AHCTF1: variants seen among roughly 807,000 people sequenced by gnomAD.
AHCTF1 encodes the protein AT-hook containing transcription factor 1, also known as protein ELYS.
AHCTF1 carries 24 observed loss-of-function variants against 248.4 expected under a neutral mutation model. The observed-to-expected ratio is 0.10, with a 90% CI of 0.07 to 0.14. The LOEUF (loss-of-function observed/expected upper bound fraction) is 0.14. AHCTF1 is among the 10% of genes least tolerant of loss of function. The pLI is 1.00. For synonymous variants in AHCTF1, 786 were observed against 929.8 expected (o/e 0.85, Z 2.81); for missense variants, 2,206 against 2,636.2 (o/e 0.84, Z 3.57).
intron 21 of AHCTF1, among the ~76,000 whole-genome samples, chr1:246,878,396 C>CAAAAAAAAAAA (rs1199465751): frequency 9.7e-5 from 3 of 30,776 alleles, no homozygotes; most frequent in Admixed American, 5.2e-4. Context: ...GATTCTGTCT[C>CAAAAAAAAAAA]AAAAAAAAAA....
chr1:246,867,141 T>C (rs1364461014), intron 26 of AHCTF1, 103 bp downstream of exon 26: 7 of 632,700 alleles, frequency 1.1e-5, no homozygotes, highest in Non-Finnish European at 1.5e-5. Context: ...AAAATATTCA[T>C]TTAATAATTT....
chr1:246,877,373 T>A (rs1355260786), intron 21 of AHCTF1, 71 bp from the exon 22 acceptor site: 1 of 1,443,136 alleles, frequency 6.9e-7, no homozygotes, highest in Non-Finnish European at 9.2e-7. Flanking sequence ...GAAATCTACA[T>A]GTAGAATTTC....
intron 20 of AHCTF1, among the ~76,000 whole-genome samples, chr1:246,886,437 G>A (rs2642991): frequency 0.61 from 92,197 of 152,118 alleles, 30,185 homozygotes; most frequent in African/African-American, 0.87. Context: ...TGTATTAGAT[G>A]TTATAAGTAA....
intron 1 of AHCTF1, among the ~76,000 whole-genome samples, chr1:246,920,142 C>CAA (rs68194249): frequency 0.024 from 975 of 40,792 alleles, 163 homozygotes; most frequent in African/African-American, 0.047. Flanking sequence ...CTGTCCCCCG[C>CAA]AAAAAAAAAA....
Position 246,876,140 on chromosome 1 carries a change from A to T in AHCTF1, c.2985T>A (p.Ser995=). ...GGATTTTTCCATACTGGTCTAATAT[A>T]GAATTTCGAGCCAGTGATCTCTCCC... ...RLRERSLARN[S]ILDQYGKILP... The change falls in exon 24 of 36, where the codon TCT becomes TCA. Residue 995 remains serine (S), a synonymous_variant. Transcript: ENST00000648844. The T allele has an allele frequency of 6.2e-7, 1 of 1,604,762 alleles. No homozygotes were observed. Among genetic ancestry groups the T allele is most frequent in the Non-Finnish European group, 8.5e-7 (1 of 1,175,582 alleles).
intron 14 of AHCTF1, among the ~76,000 whole-genome samples, chr1:246,894,327 C>T (rs1190124803): frequency 2.0e-5 from 3 of 152,202 alleles, no homozygotes; most frequent in Non-Finnish European, 4.4e-5. Flanking sequence ...AATCCCAGCA[C>T]TCTGGGAGGC....
chr1:246,931,292 G>A, intron 1 of AHCTF1: 5 of 1,547,752 alleles, frequency 3.2e-6, no homozygotes, highest in Non-Finnish European at 4.4e-6. Context: ...GACTGCCGGC[G>A]CAGGACGCGA....
chr1:246,921,100 AAAT>A (rs1026655352), intron 1 of AHCTF1, among the ~76,000 whole-genome samples: 3 of 152,188 alleles, frequency 2.0e-5, no homozygotes, highest in Non-Finnish European at 4.4e-5. Flanking sequence ...CACAATAAAT[AAAT>A]AATAATAATA....
At chr1:246,880,874 C>A (rs1054153757) in intron 21 of AHCTF1, among the ~76,000 whole-genome samples, 2 of 152,000 alleles carry the variant, frequency 1.3e-5, no homozygotes, top group Non-Finnish European at 2.9e-5. Context: ...CTAGGAAGAA[C>A]AATAAGAAAA....
intron 33 of AHCTF1, among the ~76,000 whole-genome samples, chr1:246,847,451 G>A (rs181717914): frequency 2.2e-4 from 34 of 152,188 alleles, no homozygotes; most frequent in Non-Finnish European, 3.8e-4. Flanking sequence ...TGATTCTTTC[G>A]ATGGCTGGAT....
chr1:246,909,717 T>C (rs1474829405), intron 4 of AHCTF1, among the ~76,000 whole-genome samples: 1 of 152,170 alleles, frequency 6.6e-6, no homozygotes, highest in Non-Finnish European at 1.5e-5. Context: ...AAAATCATAA[T>C]GTGTGCAGGG....
chr1:246,894,260 C>A (rs900235636), intron 14 of AHCTF1, among the ~76,000 whole-genome samples: 6 of 152,110 alleles, frequency 3.9e-5, no homozygotes, highest in African/African-American at 1.4e-4. Context: ...TCTTTTGGGA[C>A]ATCTTCAAAT....
chr1:246,909,766 T>C (rs1665667814), intron 4 of AHCTF1, among the ~76,000 whole-genome samples: 1 of 152,208 alleles, frequency 6.6e-6, no homozygotes. Flanking sequence ...ACTGGGGTTC[T>C]TGGAATGTAT....
rs1044812611 is a variant in AHCTF1 at position 246,898,281 on chromosome 1, C to A, written c.1550G>T (p.Gly517Val). 3.1e-6 allele frequency: 5 copies of A among 1,612,968 alleles called. No homozygotes were observed. The highest frequency in any genetic ancestry group is 4.2e-6 in the Non-Finnish European group (5 of 1,179,960). ...GCCAGCTACAAGACATCGATTATAA[C>A]CATCAGGAATGAGTTCATTGAGTGA... ...GPSLNELIPD[G>V]YNRCLVAGLL... The change falls in exon 12 of 36, where the codon GGT becomes GTT. Residue 517 changes from glycine (G) to valine (V), a missense_variant. Coordinates refer to ENST00000648844, the MANE Select transcript of AHCTF1 (RefSeq NM_001323342.2).
Position 246,851,008 on chromosome 1 carries a change from T to C in AHCTF1, c.4998A>G (p.Val1666=). The C allele has an allele frequency of 6.2e-7, 1 of 1,614,014 alleles. No individual in the cohort carries two copies. The highest frequency in any genetic ancestry group is 8.5e-7 in the Non-Finnish European group (1 of 1,179,876). ...CATCTAGTAAATTTTCTGCAATTGC[T>C]ACTTTAATAGGTTCAGGCACATATG... is the stretch of plus-strand genomic sequence containing the variant. ...TLPYVPEPIK[V]AIAENLLDVI... is the part of the protein sequence containing the mutation. The change falls in exon 33 of 36, where the codon GTA becomes GTG. Residue 1666 remains valine (V), a synonymous_variant. Transcript: ENST00000648844.
At chr1:246,926,425 G>C (rs7516596) in intron 1 of AHCTF1, among the ~76,000 whole-genome samples, 3,892 of 152,170 alleles carry the variant, frequency 0.026, 174 homozygotes, top group African/African-American at 0.09. Context: ...CTTCATCATG[G>C]TGCCTAGCAC....
intron 31 of AHCTF1, among the ~76,000 whole-genome samples, chr1:246,854,298 CAAAAA>C (rs56086758): frequency 3.5e-5 from 4 of 113,494 alleles, no homozygotes; most frequent in Admixed American, 9.0e-5. Flanking sequence ...GACTCTGTTT[CAAAAA>C]AAAAAAAAAA....
chr1:246,858,942 T>C (rs766103945), intron 29 of AHCTF1, among the ~76,000 whole-genome samples: 4 of 151,784 alleles, frequency 2.6e-5, no homozygotes, highest in Non-Finnish European at 5.9e-5. Flanking sequence ...AAAAGAGCAA[T>C]GTAGGCCAGG....
intron 24 of AHCTF1, among the ~76,000 whole-genome samples, chr1:246,869,601 T>C (rs962409447): frequency 2.6e-5 from 4 of 151,972 alleles, no homozygotes; most frequent in South Asian, 4.2e-4. Context: ...TTAAAAATGA[T>C]GGGAAATCTA....
Sources: allele counts gnomAD v4.1 joint callset (sites outside exome capture counted in the v4.1 genomes callset), GRCh38; gene constraint gnomAD v4.1.1; transcripts MANE v1.5; gene names NCBI Gene and HGNC (gene_info 2026-07-23, HGNC 2026-07-21).